NFIA: variants seen among roughly 807,000 people sequenced by gnomAD.
NFIA encodes the protein nuclear factor I A.
NFIA carries 8 observed loss-of-function variants against 62.8 expected under a neutral mutation model. That is an observed-to-expected ratio of 0.13 (90% CI 0.07 to 0.23). The LOEUF (loss-of-function observed/expected upper bound fraction) is 0.23, where lower values mean the gene tolerates loss of function less well. Among genes scored for constraint, NFIA ranks in the 10% least tolerant of loss-of-function variants. The pLI is 1.00. For synonymous variants in NFIA, 235 were observed against 238.1 expected (o/e 0.99, Z 0.12); for missense variants, 410 against 642.1 (o/e 0.64, Z 3.91).
chr1:61,203,752 C>T (rs1320262308), intron 2 of NFIA, among the ~76,000 whole-genome samples: 1 of 152,022 alleles, frequency 6.6e-6, no homozygotes, highest in African/African-American at 2.4e-5. Context: ...TTTCTTAGTG[C>T]TTGTGATGTT....
intron 2 of NFIA, among the ~76,000 whole-genome samples, chr1:61,171,631 T>C (rs540406993): frequency 1.2e-4 from 19 of 152,170 alleles, no homozygotes; most frequent in Non-Finnish European, 2.6e-4. Context: ...ATGGAGAAAA[T>C]GGCCTGCTGA....
At position 61,314,759 on chromosome 1, in the gene NFIA, A is replaced by G. The variant is rs535659367; in HGVS notation, c.626-17753A>G. ...CAGTCATCAGTATTTATTGAGGCCT[A>G]CATTGCAGCGACCTGTGATGCTCTA... On this transcript the variant is annotated intron_variant, in intron 3 of 10. Coordinates refer to ENST00000403491, the MANE Select transcript of NFIA (RefSeq NM_001134673.4). 2.8e-4 allele frequency among the ~76,000 whole-genome samples: 42 copies of G among 152,294 alleles called. No homozygotes were observed. In the South Asian group the frequency reaches 8.3e-3, roughly 30 times the overall value.
chr1:61,252,546 G>C (rs1364243424), intron 2 of NFIA, among the ~76,000 whole-genome samples: 1 of 152,222 alleles, frequency 6.6e-6, no homozygotes, highest in Non-Finnish European at 1.5e-5. Context: ...GAAGATGAGA[G>C]AAGGTTGTAA....
intron 2 of NFIA, among the ~76,000 whole-genome samples, chr1:61,248,582 T>C (rs150488389): frequency 2.9e-4 from 44 of 152,332 alleles, no homozygotes; most frequent in African/African-American, 9.9e-4. Context: ...CGGAGAGCTC[T>C]GAGACAATTA....
intron 2 of NFIA, among the ~76,000 whole-genome samples, chr1:61,118,445 G>C (rs918737411): frequency 6.6e-6 from 1 of 152,112 alleles, no homozygotes; most frequent in African/African-American, 2.4e-5. Flanking sequence ...AGACAGCCCT[G>C]GTCTCATGGA....
At chr1:61,181,401 A>G (rs957125904) in intron 2 of NFIA, among the ~76,000 whole-genome samples, 1 of 152,244 alleles carries the variant, frequency 6.6e-6, no homozygotes, top group African/African-American at 2.4e-5. Context: ...AGCCTTTCCT[A>G]GTAAAGGGAT....
intron 7 of NFIA, among the ~76,000 whole-genome samples, chr1:61,400,547 A>G (rs1665500172): frequency 6.6e-6 from 1 of 152,232 alleles, no homozygotes; most frequent in Non-Finnish European, 1.5e-5. Context: ...CCACTTGAGA[A>G]AAGCCTTTAT....
chr1:61,348,056 C>G (rs992711677), intron 4 of NFIA, among the ~76,000 whole-genome samples: 1 of 152,176 alleles, frequency 6.6e-6, no homozygotes, highest in Non-Finnish European at 1.5e-5. Flanking sequence ...AAAAGCCTGC[C>G]TAAAGCCCAC....
chr1:61,286,755 G>A (rs1658528485), intron 3 of NFIA, among the ~76,000 whole-genome samples: 1 of 152,166 alleles, frequency 6.6e-6, no homozygotes, highest in Non-Finnish European at 1.5e-5. Context: ...AGAAAATAAG[G>A]CAATATAAGG....
chr1:61,337,624 T>C (rs1375140008), intron 4 of NFIA, among the ~76,000 whole-genome samples: 1 of 152,180 alleles, frequency 6.6e-6, no homozygotes, highest in African/African-American at 2.4e-5. Flanking sequence ...TTTAGCATAA[T>C]ACTATGAGGA....
chr1:61,198,396 C>G (rs1292558021), intron 2 of NFIA, among the ~76,000 whole-genome samples: 2 of 152,138 alleles, frequency 1.3e-5, no homozygotes, highest in Admixed American at 1.3e-4. Flanking sequence ...TAACACAGAG[C>G]TCTTGATGGC....
intron 7 of NFIA, among the ~76,000 whole-genome samples, chr1:61,399,748 C>T (rs1665457618): frequency 1.3e-5 from 2 of 152,192 alleles, no homozygotes; most frequent in Non-Finnish European, 2.9e-5. Context: ...CTGATACCAT[C>T]CTATTTCATA....
chr1:61,137,349 C>T (rs1162117766), intron 2 of NFIA, among the ~76,000 whole-genome samples: 2 of 152,068 alleles, frequency 1.3e-5, no homozygotes, highest in African/African-American at 4.8e-5. Context: ...TTCAGAAAGG[C>T]TACGTGAATT....
chr1:61,296,812 C>CT (rs1241743361), intron 3 of NFIA, among the ~76,000 whole-genome samples: 1 of 152,116 alleles, frequency 6.6e-6, no homozygotes, highest in East Asian at 1.9e-4. Flanking sequence ...ATTGGGAGGG[C>CT]TAAGACAAAT....
intron 6 of NFIA, 97 bp downstream of exon 6, chr1:61,359,371 C>A: frequency 6.5e-7 from 1 of 1,537,634 alleles, no homozygotes; most frequent in South Asian, 1.2e-5. Context: ...AAAGAAAGCT[C>A]AAGGTAGTTC....
intron 2 of NFIA, among the ~76,000 whole-genome samples, chr1:61,266,504 TCTC>T (rs1277637162): frequency 1.3e-5 from 2 of 152,090 alleles, no homozygotes; most frequent in Non-Finnish European, 2.9e-5. Flanking sequence ...TTCAAGCAAT[TCTC>T]CTGCCTCAGC....
intron 2 of NFIA, among the ~76,000 whole-genome samples, chr1:61,276,137 A>G (rs559808104): frequency 6.6e-6 from 1 of 152,360 alleles, no homozygotes; most frequent in Non-Finnish European, 1.5e-5. Context: ...CCTTTGAATC[A>G]ACATAGAATT....
intron 9 of NFIA, 114 bp downstream of exon 9, chr1:61,406,841 T>A: frequency 8.1e-7 from 1 of 1,228,398 alleles, no homozygotes; most frequent in Non-Finnish European, 1.1e-6. Flanking sequence ...AGATCCCCAG[T>A]GATGTTGTAG....
chr1:61,288,869 G>A (rs1343494078), intron 3 of NFIA, among the ~76,000 whole-genome samples: 1 of 152,178 alleles, frequency 6.6e-6, no homozygotes, highest in African/African-American at 2.4e-5. Context: ...CCAGGCTCAG[G>A]TGATGCTCCC....
Sources: gnomAD v4.1 joint callset for allele counts (sites outside exome capture counted in the v4.1 genomes callset) on GRCh38, gnomAD v4.1.1 for gene constraint, MANE v1.5 for transcripts, NCBI Gene and HGNC (gene_info 2026-07-23, HGNC 2026-07-21) for gene names.